The following SH2B1 variants were observed in gnomAD, a reference collection of about 807,000 sequenced individuals.
SH2B1 encodes SH2B adaptor protein 1.
In SH2B1, 15 loss-of-function variants were observed where a neutral mutation model predicts 62.6. The observed-to-expected ratio is 0.24, with a 90% CI of 0.16 to 0.37. The LOEUF is 0.37. Ranked by LOEUF, SH2B1 falls within the 10% of genes least tolerant of loss-of-function variation. The pLI, the probability that SH2B1 is intolerant of heterozygous loss-of-function variation, is 1.00. For synonymous variants in SH2B1, 443 were observed against 438.0 expected (o/e 1.01, Z -0.14); for missense variants, 925 against 1,015.6 (o/e 0.91, Z 1.21).
Position 28,871,478 on chromosome 16 carries a change from A to G in SH2B1, c.1310-302A>G, listed in dbSNP as rs147070928. Among the ~76,000 whole-genome samples, 1,033 of 152,308 alleles carry G rather than the reference A, an allele frequency of 6.8e-3. 5 individuals are homozygous for G. Among genetic ancestry groups the G allele is most frequent in the Middle Eastern group, 0.014 (4 of 294 alleles). ...CCCTTCTCTACAAAAACATGTATAT[A>G]TATATTTAAGGCATTCTGCTCTCCG... On this transcript the variant is annotated intron_variant, in intron 4 of 7. Coordinates refer to ENST00000684370, the MANE Select transcript of SH2B1 (RefSeq NM_001387430.1).
chr16:28,861,323 G>A (rs1962440280), upstream of SH2B1, among the ~76,000 whole-genome samples: 1 of 152,180 alleles, frequency 6.6e-6, no homozygotes, highest in South Asian at 2.1e-4. Context: ...AGTAGAGGTG[G>A]GGTTTCACTA....
Position 28,852,447 on chromosome 16 carries a change from T to C in SH2B1, c.-301+5620T>C, listed in dbSNP as rs546035968. On this transcript the variant is annotated intron_variant, in intron 1 of 10. Coordinates refer to the SH2B1 transcript ENST00000322610. The stretch of plus-strand genomic sequence containing the variant: ...ATTTACATATATATTTATATATATA[T>C]TTACATATATATTTATATATATACA... Among the ~76,000 whole-genome samples the C allele has an allele frequency of 8.2e-5, 5 of 61,308 alleles. 1 individual carries two copies. Among genetic ancestry groups the C allele is most frequent in the African/African-American group, 3.5e-4 (5 of 14,434 alleles). 40.2% of individuals were successfully genotyped at this position (61,308 alleles called of 152,430 possible). A position where few individuals can be genotyped will look rare whatever the true frequency, so the allele number is the denominator to read the frequency against.
At chr16:28,867,306 G>A in intron 1 of SH2B1, 25 bp from the exon 2 acceptor site, 2 of 1,565,898 alleles carry the variant, frequency 1.3e-6, no homozygotes, top group Non-Finnish European at 1.8e-6. Context: ...CAAACACCCA[G>A]ATCTGTTTCT....
Position 28,866,147 on chromosome 16 carries a change from T to TGCCCCC in SH2B1, c.54_59dup (p.Pro23_Pro24dup), listed in dbSNP as rs1486934592. 1 of 1,284,414 alleles carries TGCCCCC rather than the reference T, an allele frequency of 7.8e-7. No homozygotes were observed. Among genetic ancestry groups the TGCCCCC allele is most frequent in the East Asian group, 3.4e-5 (1 of 29,198 alleles). The allele number at this position is 1,284,414 out of a possible 1,614,324, so 79.6% of individuals were successfully genotyped here. On this transcript the variant is annotated inframe_insertion, in exon 1 of 8. Coordinates refer to ENST00000684370, the MANE Select transcript of SH2B1 (RefSeq NM_001387430.1). The surrounding 1 kb of genome is among the most constrained non-coding windows in gnomAD (Gnocchi z 6.3). ...GGGGCCTCCCCCTCGTCTCCCCCGC[T>TGCCCCC]GCCCCCACCCCCGCCCCCTAGTTGG...
In SH2B1 at chr16:28,866,145, G is replaced by T. The variant is rs751616253; in HGVS notation, c.51G>T (p.Pro17=). The change falls in exon 1 of 8, where the codon CCG becomes CCT. Residue 17 remains proline, a synonymous_variant. Coordinates refer to ENST00000684370, the MANE Select transcript of SH2B1 (RefSeq NM_001387430.1). This position sits in a 1 kb window ranked among gnomAD's most constrained non-coding sequence, Gnocchi z 6.3. Reference sequence around the variant, plus strand: ...ACGGGGCCTCCCCCTCGTCTCCCCCGCTGCCCCCACCCCCGCCCCCTAGTT... The same window carrying T: ...ACGGGGCCTCCCCCTCGTCTCCCCCTCTGCCCCCACCCCCGCCCCCTAGTT... ...PEDGASPSSP[P]LPPPPPPSWR... 2 of 928,612 alleles carry T rather than the reference G, an allele frequency of 2.2e-6. No homozygotes were observed. Among genetic ancestry groups the T allele is most frequent in the Admixed American group, 2.7e-5 (1 of 37,120 alleles). 57.5% of individuals were successfully genotyped at this position (928,612 alleles called of 1,614,324 possible).
chr16:28,866,555 C>T lies in SH2B1; in HGVS notation c.461C>T (p.Ser154Phe), dbSNP rs1406011506. The change falls in exon 1 of 8, where the codon TCC becomes TTC. Residue 154 changes from serine (S) to phenylalanine (F), a missense_variant. By Grantham distance (155) the Ser-to-Phe change is radical (BLOSUM62 -2). Around this residue, in one of 3 missense-constraint regions of SH2B1, gnomAD observed 683 missense variants for 704.0 expected, o/e 0.97. Transcript: ENST00000684370. The surrounding 1 kb of genome is among the most constrained non-coding windows in gnomAD (Gnocchi z 6.3). ...AAGCCGAAGCTCAAGAAGCGCTTTTCCCTGCGTTCAGTGGGTCGCTCTGTC... is the reference window on the plus strand; with the variant it reads ...AAGCCGAAGCTCAAGAAGCGCTTTTTCCTGCGTTCAGTGGGTCGCTCTGTC... Reference protein sequence around the residue: ...SSKPKLKKRFSLRSVGRSVRG... With the variant: ...SSKPKLKKRFFLRSVGRSVRG... The T allele has an allele frequency of 5.6e-6, 9 of 1,613,990 alleles. No individual in the cohort carries two copies. Among genetic ancestry groups the T allele is most frequent in the East Asian group, 2.2e-5 (1 of 44,866 alleles).
At chr16:28,856,039 C>T (rs924884750) in intron 1 of SH2B1, among the ~76,000 whole-genome samples, 4 of 149,248 alleles carry the variant, frequency 2.7e-5, no homozygotes, top group Non-Finnish European at 4.5e-5. Context: ...CACTTTGGGA[C>T]ACCGAGGTGG....
At chr16:28,870,346 G>A (rs951552826) in intron 4 of SH2B1, among the ~76,000 whole-genome samples, 3 of 152,138 alleles carry the variant, frequency 2.0e-5, no homozygotes, top group Non-Finnish European at 4.4e-5. Flanking sequence ...CAGGAATCAC[G>A]TTGGGAGCTC....
Position 28,865,896 on chromosome 16 carries a change from C to G in SH2B1, c.-199C>G. 1 of 1,377,544 alleles carries G rather than the reference C, an allele frequency of 7.3e-7. No individual in the cohort carries two copies. The highest frequency in any genetic ancestry group is 9.3e-7 in the Non-Finnish European group (1 of 1,071,064). The allele number at this position is 1,377,544 out of a possible 1,614,324, so 85.3% of individuals were successfully genotyped here. Reference sequence around the variant, plus strand: ...AAGGGAGGTGTTGGGCTCCCTTCCCCATTGCTCTCTGCGGAGTCTGAAGTA... The same window carrying G: ...AAGGGAGGTGTTGGGCTCCCTTCCCGATTGCTCTCTGCGGAGTCTGAAGTA... On this transcript the variant is annotated 5_prime_UTR_variant, in exon 1 of 8. Coordinates refer to ENST00000684370, the MANE Select transcript of SH2B1 (RefSeq NM_001387430.1).
intron 2 of SH2B1, among the ~76,000 whole-genome samples, chr16:28,868,227 C>T (rs922526706): frequency 6.6e-6 from 1 of 152,048 alleles, no homozygotes; most frequent in South Asian, 2.1e-4. Context: ...GCAAGCTCCA[C>T]CTCCCGGGTT....
intron 2 of SH2B1, 54 bp downstream of exon 2, chr16:28,867,486 T>C (rs1291354725): frequency 1.5e-5 from 21 of 1,378,800 alleles, no homozygotes; most frequent in Non-Finnish European, 1.9e-5. Flanking sequence ...GAGAAAGCCC[T>C]CAGCGCATTT....
Position 28,863,893 on chromosome 16 carries a change from A to AGCCGCC in SH2B1, c.-2182_-2177dup, listed in dbSNP as rs55893769. On this transcript the variant is annotated 5_prime_UTR_variant, in exon 1 of 8. Coordinates refer to ENST00000684370, the MANE Select transcript of SH2B1 (RefSeq NM_001387430.1). The stretch of plus-strand genomic sequence containing the variant: ...AGTGGGTGGGGGCGCAGGGAGCGGG[A>AGCCGCC]GCCGCCGCCGCCGCCGCCGCCGCCG... 1,276 of 1,494,248 alleles carry AGCCGCC rather than the reference A, an allele frequency of 8.5e-4. 3 individuals are homozygous for AGCCGCC. The highest frequency in any genetic ancestry group is 9.9e-4 in the Non-Finnish European group (1,117 of 1,127,556). The allele number at this position is 1,494,248 out of a possible 1,614,324, so 92.6% of individuals were successfully genotyped here.
intron 1 of SH2B1, among the ~76,000 whole-genome samples, chr16:28,852,190 T>G (rs1446924481): frequency 7.6e-6 from 1 of 131,588 alleles, no homozygotes; most frequent in African/African-American, 3.1e-5. Flanking sequence ...ATATATATAT[T>G]TTTATTTATA....
rs1567458325 is a variant in SH2B1, at chr16:28,852,354, A to ACATATATATTTACATATATATT, written c.-301+5527_-301+5528insCATATATATTTACATATATATT. On this transcript the variant is annotated intron_variant, in intron 1 of 10. Transcript: ENST00000322610. ...TACATATATATTTACATATATATTTATATATATATTTATATATATTTACAT... is the reference window on the plus strand; with the variant it reads ...TACATATATATTTACATATATATTTACATATATATTTACATATATATTTATATATATTTATATATATTTACAT... 6.8e-5 allele frequency among the ~76,000 whole-genome samples: 5 copies of ACATATATATTTACATATATATT among 74,010 alleles called. 1 individual carries two copies. The highest frequency in any genetic ancestry group is 1.3e-4 in the African/African-American group (2 of 15,670). 48.6% of individuals were successfully genotyped at this position (74,010 alleles called of 152,430 possible). A position where few individuals can be genotyped will look rare whatever the true frequency, so the allele number is the denominator to read the frequency against.
chr16:28,871,996 T>A lies in SH2B1; in HGVS notation c.1513+13T>A, dbSNP rs1963070823. ...GAAACAGCCACAGGTACCGGAGGTG[T>A]GAGTGTGCATGTCTCCAGGCCTGGG... On this transcript the variant is annotated intron_variant, in intron 5 of 7. Transcript: ENST00000684370. 5 of 1,530,946 alleles carry A rather than the reference T, an allele frequency of 3.3e-6. No individual in the cohort carries two copies. The Middle Eastern group carries it at 5.7e-4, about 174-fold the overall frequency. The allele number at this position is 1,530,946 out of a possible 1,614,324, so 94.8% of individuals were successfully genotyped here. A position where few individuals can be genotyped will look rare whatever the true frequency, so the allele number is the denominator to read the frequency against.
At chr16:28,848,137 C>T (rs1962025161) in intron 1 of SH2B1, among the ~76,000 whole-genome samples, 1 of 151,016 alleles carries the variant, frequency 6.6e-6, no homozygotes. Flanking sequence ...AGAAAGACCC[C>T]ATCTCTATAA....
chr16:28,864,018 G>A lies in SH2B1; in HGVS notation c.-2077G>A, dbSNP rs1962547052. 1.4e-6 allele frequency: 2 copies of A among 1,403,652 alleles called. No individual in the cohort carries two copies. Among genetic ancestry groups the A allele is most frequent in the Non-Finnish European group, 1.9e-6 (2 of 1,080,854 alleles). 86.9% of individuals were successfully genotyped at this position (1,403,652 alleles called of 1,614,324 possible). On this transcript the variant is annotated 5_prime_UTR_variant, in exon 1 of 8. Transcript: ENST00000684370. The stretch of plus-strand genomic sequence containing the variant: ...CGCGACCCGGCCCTGGCGCCCGAGA[G>A]GATTCCTGGGTGGGGGTGGGCGTGG...
At chr16:28,847,489 T>C (rs1425353365) in intron 1 of SH2B1, among the ~76,000 whole-genome samples, 4 of 152,038 alleles carry the variant, frequency 2.6e-5, no homozygotes, top group Admixed American at 6.6e-5. Context: ...ATGCACAGAC[T>C]GGGAAGCTAT....
In SH2B1 at chr16:28,873,355, G is replaced by C; in HGVS notation, c.1898-92G>C. 6 of 1,587,156 alleles carry C rather than the reference G, an allele frequency of 3.8e-6. No homozygotes were observed. Among genetic ancestry groups the C allele is most frequent in the Non-Finnish European group, 5.1e-6 (6 of 1,170,498 alleles). ...TCAGGAGATGGGATGTGGGGAGACA[G>C]CCACGCTCCTGGGGGGCTGAGTGAA... On this transcript the variant is annotated intron_variant, in intron 7 of 7. Transcript: ENST00000684370. The surrounding 1 kb of genome is among the most constrained non-coding windows in gnomAD (Gnocchi z 4.2).
Sources: gnomAD v4.1 joint callset for allele counts (sites outside exome capture counted in the v4.1 genomes callset) on GRCh38, gnomAD v4.1.1 for gene constraint, gnomAD v4.1.1 regional missense constraint, Gnocchi (gnomAD v3.1) non-coding constraint, MANE v1.5 for transcripts, NCBI Gene and HGNC (gene_info 2026-07-23, HGNC 2026-07-21) for gene names.